The following UGT2B10 variants were observed in gnomAD, a reference collection of about 807,000 sequenced individuals.
The protein encoded by UGT2B10 is UDP glucuronosyltransferase family 2 member B10, also known as UDP-glucuronosyltransferase 2B10.
UGT2B10 carries 51 observed loss-of-function variants against 43.7 expected under a neutral mutation model. The observed-to-expected ratio is 1.17, with a 90% CI of 0.93 to 1.47. UGT2B10 has a LOEUF of 1.47. Among genes scored for constraint, UGT2B10 ranks in the 40% most tolerant of loss-of-function variants. The pLI, the probability that UGT2B10 is intolerant of heterozygous loss-of-function variation, is 0.00. For missense variants in UGT2B10, 696 were observed against 617.7 expected (o/e 1.13, Z -1.34); for synonymous variants, 225 against 209.0 (o/e 1.08, Z -0.66).
intron 2 of UGT2B10, among the ~76,000 whole-genome samples, chr4:68,821,984 C>A (rs1275705939): frequency 1.3e-5 from 2 of 152,040 alleles, no homozygotes; most frequent in Non-Finnish European, 2.9e-5. Flanking sequence ...TTAACATTAT[C>A]TCCCTGACTA....
Position 68,830,610 on chromosome 4 carries a change from A to C in UGT2B10, c.1318A>C (p.Asn440His). The change falls in exon 6 of 6, where the codon AAT becomes CAT. Residue 440 changes from asparagine (N) to histidine (H), a missense_variant. By Grantham distance (68) the Asn-to-His change is moderately conservative. Transcript: ENST00000265403. Reference sequence around the variant, plus strand: ...ATTTTTATCCTTCAGATATAAAGAGAATATTATGAAATTATCAAGAATTCA... The same window carrying C: ...ATTTTTATCCTTCAGATATAAAGAGCATATTATGAAATTATCAAGAATTCA... ...TVINDPSYKE[N>H]IMKLSRIQHD... is the part of the protein sequence containing the mutation. 1 of 1,611,934 alleles carries C rather than the reference A, an allele frequency of 6.2e-7. No homozygotes were observed.
Position 68,830,458 on chromosome 4 carries a change from C to T in UGT2B10, c.1308-142C>T, listed in dbSNP as rs114883336. On this transcript the variant is annotated intron_variant, in intron 5 of 5. Transcript: ENST00000265403. ...AAAAGCCAAACTTTGTATGATGACT[C>T]AAATTAAAATACATAAATTCTATAT... 1,520 of 1,091,328 alleles carry T rather than the reference C, an allele frequency of 1.4e-3. 22 individuals carry two copies. In the African/African-American group the frequency reaches 0.022, roughly 16 times the overall value. The allele number at this position is 1,091,328 out of a possible 1,614,324, so 67.6% of individuals were successfully genotyped here. A position where few individuals can be genotyped will look rare whatever the true frequency, so the allele number is the denominator to read the frequency against.
At chr4:68,830,577 G>T (rs775854020) in intron 5 of UGT2B10, 23 bp from the exon 6 acceptor site, 55 of 1,592,196 alleles carry the variant, frequency 3.5e-5, no homozygotes, top group Admixed American at 3.4e-4. Context: ...TTCAGTGTCG[G>T]TATCTTTATT....
chr4:68,820,680 G>A (rs1430415013), intron 2 of UGT2B10, among the ~76,000 whole-genome samples: 4 of 151,982 alleles, frequency 2.6e-5, no homozygotes, highest in Non-Finnish European at 4.4e-5. Flanking sequence ...TATATAAAAT[G>A]AGATTAAAAT....
intron 3 of UGT2B10, among the ~76,000 whole-genome samples, chr4:68,825,967 G>A (rs994657525): frequency 3.9e-5 from 6 of 152,052 alleles, no homozygotes; most frequent in East Asian, 1.9e-4. Context: ...CAGAGTATAA[G>A]CATTCCTTTT....
Position 68,830,344 on chromosome 4 carries a change from G to C in UGT2B10, c.1308-256G>C, listed in dbSNP as rs1012308271. ...AATTAAAAACAAATTAAAAATGCCT[G>C]ATACTTTCTCTGCTTGAAAAAAATA... On this transcript the variant is annotated intron_variant, in intron 5 of 5. Transcript: ENST00000265403. Among the ~76,000 whole-genome samples, 15 of 143,348 alleles carry C rather than the reference G, an allele frequency of 1.0e-4. No individual in the cohort carries two copies. In the South Asian group the frequency reaches 1.4e-3, roughly 13 times the overall value. The allele number at this position is 143,348 out of a possible 152,430, so 94.0% of individuals were successfully genotyped here.
At chr4:68,821,964 G>T (rs1737522705) in intron 2 of UGT2B10, among the ~76,000 whole-genome samples, 1 of 151,954 alleles carries the variant, frequency 6.6e-6, no homozygotes, top group African/African-American at 2.4e-5. Flanking sequence ...GAAGAGTCTG[G>T]GTATATGTTT....
rs540288781 is a variant in UGT2B10 at position 68,816,474 on chromosome 4, A to G, written c.455A>G (p.Tyr152Cys). 8 of 1,612,722 alleles carry G rather than the reference A, an allele frequency of 5.0e-6. No homozygotes were observed. Among genetic ancestry groups the G allele is most frequent in the East Asian group, 2.2e-5 (1 of 44,788 alleles). Residue 152 changes from tyrosine (Y) to cysteine (C), a missense_variant, in exon 1 of 6, where the codon TAT becomes TGT. Transcript: ENST00000265403. ...TTTGACATCGTTTTTGCAGATGCTTATTTACCCTGTGGTGAGCTGCTGGCT... is the reference window on the plus strand; with the variant it reads ...TTTGACATCGTTTTTGCAGATGCTTGTTTACCCTGTGGTGAGCTGCTGGCT... ...SRFDIVFADA[Y>C]LPCGELLAEL...
At chr4:68,822,103 ATCT>A (rs1297732111) in intron 2 of UGT2B10, among the ~76,000 whole-genome samples, 165 bp from the exon 3 acceptor site, 2 of 152,154 alleles carry the variant, frequency 1.3e-5, no homozygotes, top group Admixed American at 1.3e-4. Flanking sequence ...TATCTCATAC[ATCT>A]TCTTGCAAAG....
rs1321064243 is a variant in UGT2B10 at position 68,816,693 on chromosome 4, T to C, written c.674T>C (p.Ile225Thr). The change falls in exon 1 of 6, where the codon ATA becomes ACA. Residue 225 changes from isoleucine to threonine, a missense_variant. Physicochemically the swap from Ile to Thr is moderately conservative, Grantham distance 89. Transcript: ENST00000265403. ...CTTTATTTTGACTTTTGGTTCCAAA[T>C]ATTTAATATGAAGAAGTGGGATCAG... ...YVLYFDFWFQ[I>T]FNMKKWDQFY... The C allele has an allele frequency of 1.2e-6, 2 of 1,611,118 alleles. No individual in the cohort carries two copies. Among genetic ancestry groups the C allele is most frequent in the African/African-American group, 2.7e-5 (2 of 74,750 alleles).
At position 68,816,266 on chromosome 4, in the gene UGT2B10, A is replaced by G. The variant is rs370766068; in HGVS notation, c.247A>G (p.Thr83Ala). 3 of 1,613,008 alleles carry G rather than the reference A, an allele frequency of 1.9e-6. No individual in the cohort carries two copies. The highest frequency in any genetic ancestry group is 3.3e-5 in the Admixed American group (2 of 59,878). ...LEVYPTSLTK[T>A]EFENIIMQLV... ...AGTTTATCCTACATCTTTAACTAAAACTGAATTTGAGAATATCATCATGCA... is the reference window on the plus strand; with the variant it reads ...AGTTTATCCTACATCTTTAACTAAAGCTGAATTTGAGAATATCATCATGCA... The change falls in exon 1 of 6, where the codon ACT becomes GCT. Residue 83 changes from threonine (T) to alanine (A), a missense_variant. Thr to Ala is a moderately conservative substitution (Grantham distance 58, BLOSUM62 0). Transcript: ENST00000265403.
rs1163960063 is a variant in UGT2B10 at position 68,816,596 on chromosome 4, G to A, written c.577G>A (p.Val193Ile). The change falls in exon 1 of 6, where the codon GTA becomes ATA. Residue 193 changes from valine to isoleucine, a missense_variant. Coordinates refer to ENST00000265403, the MANE Select transcript of UGT2B10 (RefSeq NM_001075.6). ...SGGFIFPPSYVPVVMSKLSDQ... is the reference protein window; with the variant it reads ...SGGFIFPPSYIPVVMSKLSDQ... ...AGGATTTATTTTCCCTCCTTCCTAC[G>A]TACCTGTTGTTATGTCAAAATTAAG... is the stretch of plus-strand genomic sequence containing the variant. 29 of 1,612,704 alleles carry A rather than the reference G, an allele frequency of 1.8e-5. No homozygotes were observed. The highest frequency in any genetic ancestry group is 5.5e-5 in the South Asian group (5 of 91,052).
intron 2 of UGT2B10, among the ~76,000 whole-genome samples, chr4:68,822,054 AC>A (rs1737527970): frequency 1.3e-5 from 2 of 152,102 alleles, no homozygotes; most frequent in Admixed American, 1.3e-4. Flanking sequence ...ACCTACATAC[AC>A]ACACATATTT....
At chr4:68,827,646 T>G in intron 5 of UGT2B10, 98 bp downstream of exon 5, 1 of 1,532,364 alleles carries the variant, frequency 6.5e-7, no homozygotes, top group Non-Finnish European at 8.8e-7. Context: ...AGAGTGATTT[T>G]GAAAGAATTT....
chr4:68,826,726 G>A (rs907644224), intron 4 of UGT2B10, among the ~76,000 whole-genome samples: 5 of 152,066 alleles, frequency 3.3e-5, no homozygotes, highest in Non-Finnish European at 7.4e-5. Flanking sequence ...TATTTCAGGT[G>A]CTATTATATC....
At chr4:68,830,378 A>T (rs183976614) in intron 5 of UGT2B10, among the ~76,000 whole-genome samples, 186 of 152,184 alleles carry the variant, frequency 1.2e-3, no homozygotes, top group Non-Finnish European at 1.8e-3. Flanking sequence ...TAACTTTCTC[A>T]CCTGACTTTC....
intron 4 of UGT2B10, among the ~76,000 whole-genome samples, chr4:68,826,835 C>G (rs903750111): frequency 1.3e-5 from 2 of 152,046 alleles, no homozygotes; most frequent in African/African-American, 4.8e-5. Flanking sequence ...ATTTCAAATG[C>G]CACTAAATAT....
intron 2 of UGT2B10, among the ~76,000 whole-genome samples, chr4:68,820,283 T>C (rs1030284680): frequency 1.3e-5 from 2 of 152,080 alleles, no homozygotes; most frequent in African/African-American, 4.8e-5. Context: ...TTATGTAAAA[T>C]ATTTGCTAAG....
At chr4:68,825,251 T>TC (rs924414504) in intron 3 of UGT2B10, among the ~76,000 whole-genome samples, 41 of 151,474 alleles carry the variant, frequency 2.7e-4, no homozygotes, top group African/African-American at 8.5e-4. Flanking sequence ...AATTGTTACT[T>TC]TTTTTATACC....
Sources: allele counts gnomAD v4.1 joint callset (sites outside exome capture counted in the v4.1 genomes callset), GRCh38; gene constraint gnomAD v4.1.1; transcripts MANE v1.5; gene names NCBI Gene and HGNC (gene_info 2026-07-23, HGNC 2026-07-21).